Variants in MALRD1 observed in about 807,000 individuals in gnomAD.
The protein encoded by MALRD1 is MAM and LDL receptor class A domain containing 1.
A neutral mutation model predicts 242.1 loss-of-function variants in MALRD1; 247 were observed. The observed-to-expected ratio is 1.02, with a 90% CI of 0.92 to 1.13. The LOEUF (loss-of-function observed/expected upper bound fraction) is 1.13, where lower values mean the gene tolerates loss of function less well. MALRD1 is among the 50% of genes most tolerant of loss of function. The probability of loss-of-function intolerance (pLI) is 0.00; values close to 1 mark genes in which losing one functional copy is unlikely to be tolerated. For synonymous variants in MALRD1, 995 were observed against 866.6 expected (o/e 1.15, Z -2.60); for missense variants, 2,989 against 2,533.1 (o/e 1.18, Z -3.86).
At chr10:19,135,431 G>T (rs2131410246) in intron 9 of MALRD1, among the ~76,000 whole-genome samples, 1 of 152,280 alleles carries the variant, frequency 6.6e-6, no homozygotes, top group South Asian at 2.1e-4. Flanking sequence ...TGGGATTACA[G>T]GTGTGGGTCA....
intron 27 of MALRD1, 118 bp downstream of exon 27, chr10:19,387,891 G>T (rs73593897): frequency 1.6e-5 from 21 of 1,282,662 alleles, no homozygotes; most frequent in Non-Finnish European, 1.7e-5. Flanking sequence ...ATTGCAAGGC[G>T]ATCAAACATT....
chr10:19,104,745 G>T (rs1379194695), intron 5 of MALRD1, among the ~76,000 whole-genome samples: 1 of 152,058 alleles, frequency 6.6e-6, no homozygotes, highest in Admixed American at 6.5e-5. Context: ...AAGGTATTTT[G>T]TAGATAAAGC....
In MALRD1 at chr10:19,238,519, T is replaced by TATATATA. The variant is rs1564492858; in HGVS notation, c.2992-19159_2992-19153dup. On this transcript the variant is annotated intron_variant, in intron 18 of 39. Transcript: ENST00000454679. Reference sequence around the variant, plus strand: ...ATATAATATAATATATAATGTATATTATATATAATATACATTATATATAAT... The same window carrying TATATATA: ...ATATAATATAATATATAATGTATATTATATATAATATATAATATACATTATATATAAT... Among the ~76,000 whole-genome samples the TATATATA allele has an allele frequency of 1.5e-3, 105 of 72,298 alleles. 16 individuals are homozygous for TATATATA. Among genetic ancestry groups the TATATATA allele is most frequent in the Non-Finnish European group, 1.9e-3 (80 of 42,850 alleles). 47.4% of individuals were successfully genotyped at this position (72,298 alleles called of 152,430 possible).
chr10:19,301,781 A>C (rs1474994223), intron 21 of MALRD1, among the ~76,000 whole-genome samples: 1 of 151,778 alleles, frequency 6.6e-6, no homozygotes, highest in Non-Finnish European at 1.5e-5. Flanking sequence ...TTATCTGATG[A>C]CAAAATAATT....
rs573684857 is a variant in MALRD1, at chr10:19,518,520, A to C, written c.5321-12674A>C. Among the ~76,000 whole-genome samples, 48 of 152,256 alleles carry C rather than the reference A, an allele frequency of 3.2e-4. 1 individual carries two copies. In the South Asian group the frequency reaches 9.8e-3, roughly 31 times the overall value. On this transcript the variant is annotated intron_variant, in intron 31 of 39. Transcript: ENST00000454679. Reference sequence around the variant, plus strand: ...ATTACAGAGTCTCTACTGACCTGTGAGATAGTATTTATGATAGTGTGATAA... The same window carrying C: ...ATTACAGAGTCTCTACTGACCTGTGCGATAGTATTTATGATAGTGTGATAA...
rs1037420966 is a variant in MALRD1 at position 19,572,549 on chromosome 10, G to A, written c.5680+4846G>A. Among the ~76,000 whole-genome samples the A allele has an allele frequency of 3.9e-5, 6 of 152,160 alleles. 1 individual carries two copies. Among genetic ancestry groups the A allele is most frequent in the Admixed American group, 2.0e-4 (3 of 15,270 alleles). Reference sequence around the variant, plus strand: ...GAGATTGCACCATAGCTAGGAAGTGGATTATTTCCATAGAGAAGTTGGCTG... The same window carrying A: ...GAGATTGCACCATAGCTAGGAAGTGAATTATTTCCATAGAGAAGTTGGCTG... On this transcript the variant is annotated intron_variant, in intron 33 of 39. Transcript: ENST00000454679.
chr10:19,472,843 T>C (rs1010107756), intron 29 of MALRD1, among the ~76,000 whole-genome samples: 3 of 151,642 alleles, frequency 2.0e-5, no homozygotes, highest in Non-Finnish European at 4.4e-5. Context: ...AAACTTGTAG[T>C]TTTTTTATCT....
intron 36 of MALRD1, among the ~76,000 whole-genome samples, chr10:19,669,190 A>G (rs945139988): frequency 6.6e-6 from 1 of 152,258 alleles, no homozygotes. Flanking sequence ...GAAGCTCTCT[A>G]GAAGCTAGAA....
intron 12 of MALRD1, among the ~76,000 whole-genome samples, chr10:19,162,838 T>G (rs573876672): frequency 6.6e-6 from 1 of 151,886 alleles, no homozygotes; most frequent in East Asian, 1.9e-4. Context: ...TACTAGAAAT[T>G]TTTCTACTAT....
At chr10:19,316,065 C>G (rs1386039985) in intron 21 of MALRD1, among the ~76,000 whole-genome samples, 1 of 150,546 alleles carries the variant, frequency 6.6e-6, no homozygotes, top group African/African-American at 2.4e-5. Flanking sequence ...CTATTAAACT[C>G]CTTAGTAAAT....
intron 13 of MALRD1, among the ~76,000 whole-genome samples, chr10:19,168,092 C>T (rs780077388): frequency 5.3e-5 from 8 of 152,254 alleles, no homozygotes; most frequent in Admixed American, 3.3e-4. Context: ...AGGGAATTCC[C>T]GCTTGATCAG....
intron 36 of MALRD1, among the ~76,000 whole-genome samples, chr10:19,668,757 T>G (rs1199421875): frequency 1.3e-5 from 2 of 151,762 alleles, no homozygotes; most frequent in Non-Finnish European, 2.9e-5. Flanking sequence ...GGAATATAAA[T>G]TCAACCCCTT....
chr10:19,335,960 C>T lies in MALRD1; in HGVS notation c.3901+4378C>T, dbSNP rs373815896. Among the ~76,000 whole-genome samples, 28 of 152,076 alleles carry T rather than the reference C, an allele frequency of 1.8e-4. No individual in the cohort carries two copies. In the East Asian group the frequency reaches 4.7e-3, roughly 25 times the overall value. ...CTAATGCTGTCCCTCCCCTAGCCCCCCACCCGCCGACAGCCAATAACAGAC... is the reference window on the plus strand; with the variant it reads ...CTAATGCTGTCCCTCCCCTAGCCCCTCACCCGCCGACAGCCAATAACAGAC... On this transcript the variant is annotated intron_variant, in intron 24 of 39. Transcript: ENST00000454679.
intron 34 of MALRD1, chr10:19,598,374 G>T (rs1838204357): frequency 2.0e-5 from 3 of 151,850 alleles, no homozygotes; most frequent in Non-Finnish European, 4.4e-5. Context: ...CTGGCTCTTG[G>T]TCTTGCTTTG....
chr10:19,344,720 T>G (rs957798548), intron 24 of MALRD1, among the ~76,000 whole-genome samples: 2 of 142,558 alleles, frequency 1.4e-5, no homozygotes, highest in African/African-American at 2.5e-5. Flanking sequence ...CCATGTCAAT[T>G]GGGGGGGGGG....
At chr10:19,219,048 T>A (rs998877426) in intron 18 of MALRD1, among the ~76,000 whole-genome samples, 3 of 152,170 alleles carry the variant, frequency 2.0e-5, no homozygotes, top group African/African-American at 7.2e-5. Context: ...TCATAAAGAA[T>A]AATTTATTCC....
chr10:19,076,290 A>G (rs1052567452), intron 2 of MALRD1, among the ~76,000 whole-genome samples: 4 of 151,860 alleles, frequency 2.6e-5, no homozygotes, highest in Admixed American at 2.6e-4. Context: ...TCATCTATCT[A>G]TCTACCTATC....
At position 19,602,247 on chromosome 10, in the gene MALRD1, C is replaced by A. The variant is rs571514991; in HGVS notation, c.5945-5530C>A. ...TTCTGGGGTGCACGTGCACAACGTG[C>A]AGGTTTGTTACATATGTATACATGC... is the stretch of plus-strand genomic sequence containing the variant. On this transcript the variant is annotated intron_variant, in intron 34 of 39. Transcript: ENST00000454679. Among the ~76,000 whole-genome samples the A allele has an allele frequency of 1.1e-3, 151 of 137,680 alleles. 1 individual carries two copies. Among genetic ancestry groups the A allele is most frequent in the African/African-American group, 3.8e-3 (134 of 35,472 alleles). The allele number at this position is 137,680 out of a possible 152,430, so 90.3% of individuals were successfully genotyped here.
At chr10:19,103,493 G>A (rs914991096) in intron 4 of MALRD1, among the ~76,000 whole-genome samples, 6 of 149,290 alleles carry the variant, frequency 4.0e-5, no homozygotes, top group Non-Finnish European at 8.9e-5. Flanking sequence ...TGTGGGAGGC[G>A]GAGCTTGTAG....
Sources: gnomAD v4.1 joint callset for allele counts (sites outside exome capture counted in the v4.1 genomes callset) on GRCh38, gnomAD v4.1.1 for gene constraint, MANE v1.5 for transcripts, NCBI Gene and HGNC (gene_info 2026-07-23, HGNC 2026-07-21) for gene names.